Variants in MYH3 observed in about 807,000 individuals in gnomAD.
MYH3 encodes the protein myosin-3.
MYH3 carries 130 observed loss-of-function variants against 238.0 expected under a neutral mutation model. The observed-to-expected ratio is 0.55, with a 90% CI of 0.47 to 0.63. The LOEUF is 0.63. Ranked by LOEUF, MYH3 falls within the 30% of genes least tolerant of loss-of-function variation. MYH3 has a pLI of 0.00. For missense variants in MYH3, 1,853 were observed against 2,374.9 expected (o/e 0.78, Z 4.57); for synonymous variants, 880 against 924.1 (o/e 0.95, Z 0.86).
chr17:10,669,631 C>T, the MYH3 span, among the ~76,000 whole-genome samples: 375 of 151,152 alleles, frequency 2.5e-3, no homozygotes, highest in Non-Finnish European at 4.5e-3. Flanking sequence ...AGGTTGGGCA[C>T]GGTGGCTTGC....
At chr17:10,655,299 T>A (rs184001606) in intron 2 of MYH3, among the ~76,000 whole-genome samples, 35 of 152,276 alleles carry the variant, frequency 2.3e-4, no homozygotes, top group African/African-American at 8.2e-4. Context: ...TGTGCGACAG[T>A]CTTACAGCCT....
upstream of MYH3, among the ~76,000 whole-genome samples, chr17:10,662,026 TTC>T (rs1491586017): frequency 1.3e-5 from 2 of 151,520 alleles, no homozygotes; most frequent in African/African-American, 4.8e-5. Flanking sequence ...CTTTCTTTCT[TTC>T]TTTTTTTTTT....
At chr17:10,660,740 G>A (rs2074474908), upstream of MYH3, among the ~76,000 whole-genome samples, 1 of 151,722 alleles carries the variant, frequency 6.6e-6, no homozygotes, top group South Asian at 2.1e-4. Context: ...CAGCACTTTG[G>A]GAGGCCAAGG....
At chr17:10,655,205 G>A (rs764066413) in intron 2 of MYH3, 133 bp from the exon 3 acceptor site, 4 of 746,484 alleles carry the variant, frequency 5.4e-6, no homozygotes, top group African/African-American at 1.7e-5. Flanking sequence ...CAGGAACCAG[G>A]CTGTCCTCAT....
intron 22 of MYH3, 28 bp downstream of exon 22, chr17:10,639,964 TAAAA>T (rs34274020): frequency 3.0e-5 from 44 of 1,486,106 alleles, no homozygotes; most frequent in Admixed American, 1.3e-4. Flanking sequence ...CTAGAAGAGT[TAAAA>T]AAAAAAAAAA....
chr17:10,629,464 A>G lies in MYH3; in HGVS notation c.5796+133T>C, dbSNP rs150103893. Reference sequence around the variant, plus strand: ...ATTCTAGCGAGGGTCCAGTCAGCTAAGTGACTTTAAGCACTTTCTCTTCCT... The same window carrying G: ...ATTCTAGCGAGGGTCCAGTCAGCTAGGTGACTTTAAGCACTTTCTCTTCCT... On this transcript the variant is annotated intron_variant, in intron 40 of 40. Transcript: ENST00000583535. The G allele has an allele frequency of 9.8e-4, 1,163 of 1,181,274 alleles. 10 individuals carry two copies. In the African/African-American group the frequency reaches 0.015, roughly 16 times the overall value. 73.2% of individuals were successfully genotyped at this position (1,181,274 alleles called of 1,614,324 possible).
At chr17:10,629,806 G>T (rs375046787) in intron 39 of MYH3, 36 bp downstream of exon 39, 87 of 1,613,822 alleles carry the variant, frequency 5.4e-5, no homozygotes, top group Non-Finnish European at 6.4e-5. Context: ...GAAACAGCAC[G>T]GTCTGCCTGC....
At chr17:10,670,246 G>A in the MYH3 span, among the ~76,000 whole-genome samples, 108 of 152,270 alleles carry the variant, frequency 7.1e-4, no homozygotes, top group African/African-American at 2.4e-3. This position sits in a 1 kb window ranked among gnomAD's most constrained non-coding sequence, Gnocchi z 7.0. Context: ...AGTAGGTCAA[G>A]GGAGATACTA....
rs1469411314 is a variant in MYH3 at position 10,644,635 on chromosome 17, AG to A, written c.1208del (p.Pro403LeufsTer3). The A allele has an allele frequency of 6.2e-7, 1 of 1,614,160 alleles. No individual in the cohort carries two copies. The highest frequency in any genetic ancestry group is 8.5e-7 in the Non-Finnish European group (1 of 1,180,028). ...CGTACTCATTCCCAACTTTCACTCT[AG>A]GAAAGCACAAAGCTTTTAGGAGGTC... ...SSDLLKALCF[P>X]RVKVGNEYVT... On this transcript the variant is annotated frameshift_variant, in exon 13 of 41. Transcript: ENST00000583535. LOFTEE classifies it high-confidence loss of function.
the MYH3 span, among the ~76,000 whole-genome samples, chr17:10,670,609 A>T: frequency 2.6e-5 from 4 of 152,064 alleles, no homozygotes; most frequent in Non-Finnish European, 5.9e-5. This position sits in a 1 kb window ranked among gnomAD's most constrained non-coding sequence, Gnocchi z 7.0. Flanking sequence ...GTGCCCAATT[A>T]ATAATGACTC....
At chr17:10,665,813 A>G in the MYH3 span, among the ~76,000 whole-genome samples, 1 of 152,218 alleles carries the variant, frequency 6.6e-6, no homozygotes, top group African/African-American at 2.4e-5. Flanking sequence ...AAAATACTGA[A>G]AAAAGAAAAG....
intron 39 of MYH3, 25 bp downstream of exon 39, chr17:10,629,817 C>T (rs527661230): frequency 7.4e-6 from 12 of 1,613,966 alleles, no homozygotes; most frequent in Admixed American, 6.7e-5. Flanking sequence ...GTCTGCCTGC[C>T]GCAGTCAGCA....
chr17:10,639,990 AC>A lies in MYH3; in HGVS notation c.2682+5del. 6.2e-7 allele frequency: 1 copy of A among 1,613,288 alleles called. No homozygotes were observed. The highest frequency in any genetic ancestry group is 1.3e-5 in the African/African-American group (1 of 74,916). On this transcript the variant is annotated splice_donor_5th_base_variant and intron_variant, in intron 22 of 40. Coordinates refer to ENST00000583535, the MANE Select transcript of MYH3 (RefSeq NM_002470.4). ...AAAAAAAAAAAAAAGATTGCTAAAC[AC>A]GTACAGCTTGTACTTGGAGCTGCAG...
Position 10,651,831 on chromosome 17 carries a change from C to A in MYH3, c.349-163G>T. ...CGATCTTGGCTCACTGCAACCTCCA[C>A]CTCCCGGGTTCAAGCAATTCTCCTG... On this transcript the variant is annotated intron_variant, in intron 4 of 40. Coordinates refer to ENST00000583535, the MANE Select transcript of MYH3 (RefSeq NM_002470.4). 4.0e-6 allele frequency: 4 copies of A among 989,200 alleles called. No individual in the cohort carries two copies. In the South Asian group the frequency reaches 6.8e-5, roughly 17 times the overall value. The allele number at this position is 989,200 out of a possible 1,614,324, so 61.3% of individuals were successfully genotyped here. A position where few individuals can be genotyped will look rare whatever the true frequency, so the allele number is the denominator to read the frequency against.
chr17:10,643,460 C>T (rs1419408456), intron 14 of MYH3, among the ~76,000 whole-genome samples: 1 of 152,054 alleles, frequency 6.6e-6, no homozygotes, highest in Non-Finnish European at 1.5e-5. Context: ...ACTGCAACCT[C>T]CGCCTCCCAG....
rs373989361 is a variant in MYH3 at position 10,630,478 on chromosome 17, T to C, written c.5287-20A>G. The C allele has an allele frequency of 3.1e-6, 5 of 1,613,992 alleles. No individual in the cohort carries two copies. In the African/African-American group the frequency reaches 5.3e-5, roughly 17 times the overall value. On this transcript the variant is annotated intron_variant, in intron 36 of 40. Coordinates refer to ENST00000583535, the MANE Select transcript of MYH3 (RefSeq NM_002470.4). ...GGCAGCCTGAAAAGCACATGGGACT[T>C]GCTAGGATGCAGAGGAAGCTCCAGT...
chr17:10,653,625 G>T (rs1285971942), intron 3 of MYH3, among the ~76,000 whole-genome samples: 1 of 152,148 alleles, frequency 6.6e-6, no homozygotes, highest in South Asian at 2.1e-4. Flanking sequence ...CAGGCACAGG[G>T]GGTGGGGAAC....
chr17:10,629,917 A>G lies in MYH3; in HGVS notation c.5583T>C (p.Asn1861=), dbSNP rs1229552225. ...CCACCAGATCCTGCAATCTCAGCAC[A>G]TTCTTCCTGTCCTCTTCACTCTAAG... is the stretch of plus-strand genomic sequence containing the variant. ...LTYQSEEDRK[N]VLRLQDLVDK... Residue 1861 remains asparagine, a synonymous_variant, in exon 39 of 41, where the codon AAT becomes AAC. Transcript: ENST00000583535. The G allele has an allele frequency of 6.2e-7, 1 of 1,614,084 alleles. No individual in the cohort carries two copies.
At chr17:10,652,308 T>G (rs1424941086) in intron 4 of MYH3, 112 bp downstream of exon 4, 10 of 1,327,184 alleles carry the variant, frequency 7.5e-6, no homozygotes, top group Non-Finnish European at 9.7e-6. Context: ...GTTCATCAGC[T>G]AGGCAAGCAC....
Sources: gnomAD v4.1 joint callset for allele counts (sites outside exome capture counted in the v4.1 genomes callset) on GRCh38, gnomAD v4.1.1 for gene constraint, Gnocchi (gnomAD v3.1) non-coding constraint, MANE v1.5 for transcripts, NCBI Gene and HGNC (gene_info 2026-07-23, HGNC 2026-07-21) for gene names.